The following IGHMBP2 variants were observed in gnomAD, a reference collection of about 807,000 sequenced individuals.
IGHMBP2 encodes DNA-binding protein SMUBP-2.
In IGHMBP2, 81 loss-of-function variants were observed where a neutral mutation model predicts 96.0. The ratio of observed to expected loss-of-function variants is 0.84; its 90% CI spans 0.71 to 1.01. IGHMBP2 has a LOEUF of 1.01. Among genes scored for constraint, IGHMBP2 ranks in the 50% least tolerant of loss-of-function variants. IGHMBP2 has a pLI of 0.00. For synonymous variants in IGHMBP2, 557 were observed against 548.9 expected (o/e 1.01, Z -0.21); for missense variants, 1,227 against 1,306.3 (o/e 0.94, Z 0.94).
At position 68,908,608 on chromosome 11, in the gene IGHMBP2, C is replaced by T. The variant is rs1594418448; in HGVS notation, c.524C>T (p.Ala175Val). The part of the protein sequence containing the change: ...SLIEVLFGRS[A>V]PSPASEIHPL... ...ATAGAAGTGCTCTTTGGCAGATCTG[C>T]TCCCAGTCCTGCCAGTGAAATACGT... The change falls in exon 4 of 15, where the codon GCT becomes GTT. Residue 175 changes from alanine (A) to valine (V), a missense_variant. By Grantham distance (64) the Ala-to-Val change is moderately conservative. Transcript: ENST00000255078. 3 of 1,612,454 alleles carry T rather than the reference C, an allele frequency of 1.9e-6. No individual in the cohort carries two copies. In the East Asian group the frequency reaches 6.7e-5, roughly 36 times the overall value.
chr11:68,917,702 G>T, intron 6 of IGHMBP2, 34 bp from the exon 7 acceptor site: 2 of 1,575,040 alleles, frequency 1.3e-6, no homozygotes, highest in Non-Finnish European at 1.7e-6. Context: ...AAGTTGGACT[G>T]AAGTAAGTGT....
intron 12 of IGHMBP2, 50 bp from the exon 13 acceptor site, chr11:68,936,187 G>A (rs1313293407): frequency 3.1e-6 from 5 of 1,605,860 alleles, no homozygotes; most frequent in Non-Finnish European, 4.2e-6. Flanking sequence ...GAGCCTGACT[G>A]TGTTTCTTAG....
At chr11:68,909,164 A>AT (rs1417147181) in intron 4 of IGHMBP2, among the ~76,000 whole-genome samples, 4 of 86,128 alleles carry the variant, frequency 4.6e-5, no homozygotes, top group African/African-American at 9.8e-5. Flanking sequence ...AGTTAAAAAA[A>AT]TTTTTTTTTG....
chr11:68,905,306 T>C (rs1193067045), intron 1 of IGHMBP2, among the ~76,000 whole-genome samples: 1 of 152,266 alleles, frequency 6.6e-6, no homozygotes, highest in Non-Finnish European at 1.5e-5. Context: ...GTTGAGTTTC[T>C]TAGAATCCCA....
At chr11:68,911,882 G>A (rs763980768) in intron 5 of IGHMBP2, among the ~76,000 whole-genome samples, 42 of 152,344 alleles carry the variant, frequency 2.8e-4, no homozygotes, top group Admixed American at 1.0e-3. Flanking sequence ...CTGGGTCAGG[G>A]TTTATTTGTT....
chr11:68,938,192 C>T lies in IGHMBP2; in HGVS notation c.2622C>T (p.Ala874=). Residue 874 remains alanine (A), a synonymous_variant, in exon 14 of 15, where the codon GCC becomes GCT. Transcript: ENST00000255078. ...KKKKKAKGHP[A]TDLPTEEDFE... ...GCGGGTCTTCTCCAGGACATCCGGC[C>T]ACAGATCTGCCCACGGAGGAGGACT... 1 of 1,614,076 alleles carries T rather than the reference C, an allele frequency of 6.2e-7. No homozygotes were observed. The highest frequency in any genetic ancestry group is 8.5e-7 in the Non-Finnish European group (1 of 1,180,030).
rs199841148 is a variant in IGHMBP2 at position 68,908,295 on chromosome 11, T to A, written c.407T>A (p.Leu136Gln). The change falls in exon 3 of 15, where the codon CTG (leucine) becomes CAG (glutamine). Residue 136 changes from leucine (L) to glutamine (Q), a missense_variant. Coordinates refer to ENST00000255078, the MANE Select transcript of IGHMBP2 (RefSeq NM_002180.3). ...LSLDRENSYR[L>Q]LKLANDVTYR... The stretch of plus-strand genomic sequence containing the variant: ...TTGGACCGAGAGAATTCCTACAGAC[T>A]GTTAAAACTTGCCAATGATGTCACT... The A allele has an allele frequency of 6.2e-7, 1 of 1,614,164 alleles. No homozygotes were observed. Among genetic ancestry groups the A allele is most frequent in the African/African-American group, 1.3e-5 (1 of 75,042 alleles).
chr11:68,924,395 G>A (rs1416686692), intron 7 of IGHMBP2, among the ~76,000 whole-genome samples: 2 of 152,262 alleles, frequency 1.3e-5, no homozygotes, highest in Non-Finnish European at 2.9e-5. Context: ...AACAACCCAC[G>A]TTTATTATTC....
intron 5 of IGHMBP2, among the ~76,000 whole-genome samples, chr11:68,913,554 G>C (rs2198529): frequency 0.26 from 39,400 of 151,668 alleles, 5,655 homozygotes; most frequent in Admixed American, 0.42. Context: ...TCCTGACCTC[G>C]CACCTTGGCC....
At chr11:68,936,136 G>T (rs1425864524) in intron 12 of IGHMBP2, 101 bp from the exon 13 acceptor site, 4 of 1,385,156 alleles carry the variant, frequency 2.9e-6, no homozygotes, top group Non-Finnish European at 4.1e-6. Flanking sequence ...GCCACGCGCA[G>T]GGGACTACAC....
rs1398528951 is a variant in IGHMBP2, at chr11:68,917,824, A to G, written c.1001A>G (p.Glu334Gly). 6.2e-7 allele frequency: 1 copy of G among 1,614,068 alleles called. No homozygotes were observed. Among genetic ancestry groups the G allele is most frequent in the Non-Finnish European group, 8.5e-7 (1 of 1,179,918 alleles). Residue 334 changes from glutamate (E) to glycine (G), a missense_variant, in exon 7 of 15, where the codon GAA becomes GGA. Around this residue, in one of 3 missense-constraint regions of IGHMBP2, gnomAD observed 507 missense variants for 496.9 expected, o/e 1.02. Coordinates refer to ENST00000255078, the MANE Select transcript of IGHMBP2 (RefSeq NM_002180.3). Reference protein sequence around the residue: ...KLLRKELKEREEAAMLESLTS... With the variant: ...KLLRKELKERGEAAMLESLTS... The stretch of plus-strand genomic sequence containing the variant: ...TTAAGAAAAGAACTGAAGGAGAGGG[A>G]AGAAGCAGCTATGCTCGAGAGCCTC...
chr11:68,908,490 C>A, intron 3 of IGHMBP2, 44 bp from the exon 4 acceptor site: 1 of 1,515,696 alleles, frequency 6.6e-7, no homozygotes, highest in Non-Finnish European at 9.2e-7. Context: ...GAGGCTCGGG[C>A]ACTGAATTGC....
chr11:68,915,120 TCTTG>T, intron 6 of IGHMBP2, 97 bp downstream of exon 6: 1 of 896,402 alleles, frequency 1.1e-6, no homozygotes, highest in Non-Finnish European at 1.8e-6. Context: ...CTTGACCTTC[TCTTG>T]CTTCTGTCGA....
intron 7 of IGHMBP2, among the ~76,000 whole-genome samples, chr11:68,923,741 G>A (rs1858962249): frequency 6.6e-6 from 1 of 152,108 alleles, no homozygotes; most frequent in African/African-American, 2.4e-5. Flanking sequence ...TGAGCACTGG[G>A]CACTTTTCTC....
At chr11:68,910,824 A>G (rs1858398141) in intron 4 of IGHMBP2, among the ~76,000 whole-genome samples, 1 of 150,790 alleles carries the variant, frequency 6.6e-6, no homozygotes, top group African/African-American at 2.4e-5. Flanking sequence ...CGGATGTTGC[A>G]GTGAGCTGAG....
chr11:68,904,046 A>AG lies in IGHMBP2; in HGVS notation c.86+10dup. On this transcript the variant is annotated intron_variant, in intron 1 of 14. Coordinates refer to ENST00000255078, the MANE Select transcript of IGHMBP2 (RefSeq NM_002180.3). ...GGAGGTGGAGGAGCGCAGGTACGGG[A>AG]GGCCGCCGGCGCCGCTCCCTCGCGG... is the stretch of plus-strand genomic sequence containing the variant. 2 of 1,547,904 alleles carry AG rather than the reference A, an allele frequency of 1.3e-6. No homozygotes were observed. Among genetic ancestry groups the AG allele is most frequent in the Non-Finnish European group, 1.7e-6 (2 of 1,145,174 alleles).
At chr11:68,916,458 T>C (rs1858675010) in intron 6 of IGHMBP2, among the ~76,000 whole-genome samples, 2 of 152,190 alleles carry the variant, frequency 1.3e-5, no homozygotes, top group South Asian at 4.1e-4. Context: ...TGTTGTAGTG[T>C]CTGTGCTCAC....
At position 68,928,890 on chromosome 11, in the gene IGHMBP2, C is replaced by T. The variant is rs547742437; in HGVS notation, c.1061-293C>T. Among the ~76,000 whole-genome samples, 66 of 150,094 alleles carry T rather than the reference C, an allele frequency of 4.4e-4. No homozygotes were observed. In the South Asian group the frequency reaches 0.013, roughly 30 times the overall value. Reference sequence around the variant, plus strand: ...TAATTGAGTTACAATATTTAGAACTCAGACAGCATCCCTTGGGCTTGGGGT... The same window carrying T: ...TAATTGAGTTACAATATTTAGAACTTAGACAGCATCCCTTGGGCTTGGGGT... On this transcript the variant is annotated intron_variant, in intron 7 of 14. Transcript: ENST00000255078.
chr11:68,921,039 C>T (rs1858856924), intron 7 of IGHMBP2, among the ~76,000 whole-genome samples: 2 of 152,124 alleles, frequency 1.3e-5, no homozygotes, highest in South Asian at 4.1e-4. Context: ...TCAAGTGATC[C>T]TCCCACTTTG....
Sources: gnomAD v4.1 joint callset for allele counts (sites outside exome capture counted in the v4.1 genomes callset) on GRCh38, gnomAD v4.1.1 for gene constraint, gnomAD v4.1.1 regional missense constraint, MANE v1.5 for transcripts, NCBI Gene and HGNC (gene_info 2026-07-23, HGNC 2026-07-21) for gene names.